The following GRIN2A variants were observed in gnomAD, a reference collection of about 807,000 sequenced individuals.
GRIN2A encodes the protein glutamate receptor ionotropic, NMDA 2A.
A neutral mutation model predicts 113.4 loss-of-function variants in GRIN2A; 22 were observed. That is an observed-to-expected ratio of 0.19 (90% CI 0.14 to 0.28). The LOEUF is 0.28. GRIN2A is among the 10% of genes least tolerant of loss of function. The pLI is 1.00. For synonymous variants in GRIN2A, 827 were observed against 738.4 expected, an observed-to-expected ratio of 1.12 and a Z score of -1.94; for missense variants, 1,502 against 1,887.0, an observed-to-expected ratio of 0.80 and a Z score of 3.78.
At chr16:9,775,583 A>G (rs956983004) in intron 11 of GRIN2A, among the ~76,000 whole-genome samples, 1 of 152,224 alleles carries the variant, frequency 6.6e-6, no homozygotes, top group Admixed American at 6.5e-5. Context: ...AGAAACAAGG[A>G]GTGTTGAGAT....
chr16:9,928,897 A>G (rs1567181127), intron 3 of GRIN2A, among the ~76,000 whole-genome samples: 1 of 152,224 alleles, frequency 6.6e-6, no homozygotes, highest in Admixed American at 6.5e-5. Context: ...CACCCAACCC[A>G]GATATATTCA....
chr16:10,009,555 T>C (rs1209817734), intron 2 of GRIN2A, among the ~76,000 whole-genome samples: 1 of 152,088 alleles, frequency 6.6e-6, no homozygotes, highest in East Asian at 1.9e-4. Flanking sequence ...GGAAAGGCAG[T>C]GGTAACAAAC....
chr16:9,930,780 A>G (rs1378957812), intron 3 of GRIN2A, among the ~76,000 whole-genome samples: 3 of 152,228 alleles, frequency 2.0e-5, no homozygotes, highest in African/African-American at 7.2e-5. Flanking sequence ...TATGTCAACC[A>G]GGTTTAGCAC....
At chr16:9,785,953 T>C (rs1902207072) in intron 11 of GRIN2A, among the ~76,000 whole-genome samples, 1 of 152,184 alleles carries the variant, frequency 6.6e-6, no homozygotes, top group Non-Finnish European at 1.5e-5. Flanking sequence ...AATCGATGAC[T>C]AGAAGGGAGA....
At chr16:10,086,501 C>T (rs2048087213) in intron 2 of GRIN2A, among the ~76,000 whole-genome samples, 1 of 150,914 alleles carries the variant, frequency 6.6e-6, no homozygotes, top group Non-Finnish European at 1.5e-5. Context: ...CCAGACTTAA[C>T]TGCAAGTGAG....
At chr16:9,792,581 C>G (rs1902678683) in intron 11 of GRIN2A, among the ~76,000 whole-genome samples, 1 of 152,044 alleles carries the variant, frequency 6.6e-6, no homozygotes, top group African/African-American at 2.4e-5. Context: ...CTTCACATAT[C>G]TATTATATAT....
chr16:10,126,851 T>C (rs1244680824), intron 2 of GRIN2A, among the ~76,000 whole-genome samples: 1 of 152,152 alleles, frequency 6.6e-6, no homozygotes, highest in African/African-American at 2.4e-5. Context: ...TCCTTCTGCT[T>C]TTATAAACCT....
intron 2 of GRIN2A, among the ~76,000 whole-genome samples, chr16:10,037,993 A>C (rs1369113511): frequency 6.6e-6 from 1 of 152,182 alleles, no homozygotes; most frequent in Non-Finnish European, 1.5e-5. Context: ...AGCTCCTCCC[A>C]GTCTACATCA....
At chr16:9,942,746 TC>T (rs1395586189) in intron 2 of GRIN2A, among the ~76,000 whole-genome samples, 1 of 152,126 alleles carries the variant, frequency 6.6e-6, no homozygotes, top group African/African-American at 2.4e-5. Context: ...AAACTGCCTT[TC>T]CATACAGCAA....
At chr16:9,808,168 G>A (rs1245209535) in intron 10 of GRIN2A, among the ~76,000 whole-genome samples, 1 of 152,202 alleles carries the variant, frequency 6.6e-6, no homozygotes, top group Non-Finnish European at 1.5e-5. Flanking sequence ...GACTTTTCTT[G>A]AACATTTACT....
At chr16:9,934,551 C>T (rs1427700446) in intron 3 of GRIN2A, among the ~76,000 whole-genome samples, 2 of 151,476 alleles carry the variant, frequency 1.3e-5, no homozygotes, top group African/African-American at 2.4e-5. Context: ...TGTGGTAGTG[C>T]GCACCTGTAG....
At chr16:10,044,567 C>G (rs1372179174) in intron 2 of GRIN2A, among the ~76,000 whole-genome samples, 4 of 151,168 alleles carry the variant, frequency 2.6e-5, no homozygotes, top group African/African-American at 9.8e-5. Context: ...AATATACATC[C>G]TATTGCTTTA....
intron 3 of GRIN2A, chr16:9,937,656 T>G (rs1025508462): frequency 2.5e-6 from 1 of 404,016 alleles, no homozygotes; most frequent in African/African-American, 2.0e-5. Context: ...TTACAAAAAA[T>G]ATAGATACAC....
At chr16:9,819,512 A>T (rs1446901851) in intron 10 of GRIN2A, among the ~76,000 whole-genome samples, 2 of 149,704 alleles carry the variant, frequency 1.3e-5, no homozygotes, top group Admixed American at 6.6e-5. Context: ...ACAGAGTGAG[A>T]CCCTGTCTGA....
intron 10 of GRIN2A, among the ~76,000 whole-genome samples, chr16:9,816,461 A>G (rs115492264): frequency 3.3e-5 from 5 of 152,188 alleles, no homozygotes; most frequent in Admixed American, 6.5e-5. Flanking sequence ...ACTTTTCCAT[A>G]AATGTATACA....
intron 2 of GRIN2A, among the ~76,000 whole-genome samples, chr16:10,039,771 A>T (rs1447031288): frequency 4.1e-4 from 18 of 44,430 alleles, no homozygotes; most frequent in Non-Finnish European, 3.3e-4. Context: ...CAAGGGAGGG[A>T]GAGGGAGGGG....
intron 2 of GRIN2A, among the ~76,000 whole-genome samples, chr16:10,009,442 C>T (rs771118442): frequency 2.6e-5 from 4 of 152,070 alleles, no homozygotes; most frequent in African/African-American, 4.8e-5. Context: ...CAGGTGAGAG[C>T]GACATACTGT....
intron 2 of GRIN2A, among the ~76,000 whole-genome samples, chr16:10,133,118 T>C (rs1448264): frequency 0.68 from 103,549 of 152,076 alleles, 35,742 homozygotes; most frequent in Non-Finnish European, 0.73. Context: ...CATCTCAAGA[T>C]GGATCCATAA....
chr16:9,913,877 G>C (rs1321777625), intron 3 of GRIN2A, among the ~76,000 whole-genome samples: 1 of 151,996 alleles, frequency 6.6e-6, no homozygotes, highest in Non-Finnish European at 1.5e-5. Flanking sequence ...CTTGAAGTTT[G>C]AAATAACATT....
Sources: gnomAD v4.1 joint callset for allele counts (sites outside exome capture counted in the v4.1 genomes callset) on GRCh38, gnomAD v4.1.1 for gene constraint, MANE v1.5 for transcripts, NCBI Gene and HGNC (gene_info 2026-07-23, HGNC 2026-07-21) for gene names.